IQCM: variants seen among roughly 807,000 people sequenced by gnomAD.
IQCM encodes the protein IQ motif containing M.
IQCM carries 45 observed loss-of-function variants against 57.6 expected under a neutral mutation model. The observed-to-expected ratio is 0.78, with a 90% confidence interval of 0.62 to 1.00. The LOEUF is 1.00. IQCM is among the 50% of genes least tolerant of loss of function. The pLI is 0.00. For synonymous variants in IQCM, 148 were observed against 158.9 expected (o/e 0.93, Z 0.51); for missense variants, 468 against 511.6 (o/e 0.91, Z 0.82).
intron 2 of IQCM, among the ~76,000 whole-genome samples, chr4:149,743,837 C>A (rs1767684016): frequency 6.6e-6 from 1 of 152,136 alleles, no homozygotes; most frequent in Admixed American, 6.5e-5. Context: ...ACCTCTATAT[C>A]CAAGGAGTCA....
intron 13 of IQCM, among the ~76,000 whole-genome samples, chr4:149,355,550 A>G (rs886839968): frequency 2.0e-5 from 3 of 152,054 alleles, no homozygotes; most frequent in Non-Finnish European, 4.4e-5. Flanking sequence ...AGCTTCATCC[A>G]TGTCCCTACA....
chr4:149,484,661 G>A lies in IQCM; in HGVS notation c.1229-51104C>T, dbSNP rs953198928. Among the ~76,000 whole-genome samples the A allele has an allele frequency of 2.0e-5, 3 of 151,810 alleles. No individual in the cohort carries two copies. The East Asian group carries it at 5.8e-4, about 29-fold the overall frequency. Reference sequence around the variant, plus strand: ...TTTTCTTTATGTCTTACCGTACTAAGTCTTAAAAAGTGGTTGTAGTTACTA... The same window carrying A: ...TTTTCTTTATGTCTTACCGTACTAAATCTTAAAAAGTGGTTGTAGTTACTA... On this transcript the variant is annotated intron_variant, in intron 12 of 13. Coordinates refer to ENST00000636793, the MANE Select transcript of IQCM (RefSeq NM_001363507.2).
At chr4:149,679,784 G>T (rs1162290826) in intron 7 of IQCM, among the ~76,000 whole-genome samples, 1 of 151,308 alleles carries the variant, frequency 6.6e-6, no homozygotes, top group Non-Finnish European at 1.5e-5. Flanking sequence ...CAATGATTAT[G>T]TCAGATATTC....
intron 8 of IQCM, among the ~76,000 whole-genome samples, chr4:149,616,263 G>A (rs1755781170): frequency 6.6e-6 from 1 of 152,142 alleles, no homozygotes; most frequent in African/African-American, 2.4e-5. Context: ...ATATTATTCA[G>A]CCTAAGAAAG....
intron 13 of IQCM, among the ~76,000 whole-genome samples, chr4:149,360,687 C>T (rs571725435): frequency 1.3e-5 from 2 of 152,296 alleles, no homozygotes; most frequent in East Asian, 1.9e-4. Flanking sequence ...TTTTCTCTTG[C>T]TGCCACCATG....
At chr4:149,692,950 G>A (rs572118238) in intron 5 of IQCM, among the ~76,000 whole-genome samples, 3 of 152,062 alleles carry the variant, frequency 2.0e-5, no homozygotes, top group Non-Finnish European at 4.4e-5. Flanking sequence ...TTACAATGAA[G>A]TTAAGCAAAA....
At chr4:149,749,560 A>T (rs1768239184) in intron 2 of IQCM, among the ~76,000 whole-genome samples, 1 of 151,744 alleles carries the variant, frequency 6.6e-6, no homozygotes, top group African/African-American at 2.4e-5. Flanking sequence ...GGGGGGCACA[A>T]GGAGGGCCTC....
chr4:149,699,100 C>T (rs1297748051), intron 5 of IQCM, among the ~76,000 whole-genome samples: 1 of 151,880 alleles, frequency 6.6e-6, no homozygotes, highest in Non-Finnish European at 1.5e-5. Flanking sequence ...CTATGAGTGC[C>T]ATAAGATAAA....
intron 9 of IQCM, among the ~76,000 whole-genome samples, chr4:149,579,509 T>C (rs908370520): frequency 1.3e-5 from 2 of 151,844 alleles, no homozygotes; most frequent in Non-Finnish European, 2.9e-5. Flanking sequence ...CCAGTGATGC[T>C]GACATTCTGA....
intron 9 of IQCM, among the ~76,000 whole-genome samples, chr4:149,564,640 A>G (rs1207466591): frequency 6.6e-6 from 1 of 152,136 alleles, no homozygotes; most frequent in Non-Finnish European, 1.5e-5. Flanking sequence ...GTGAAAAGAC[A>G]GACTGGCCTA....
At chr4:149,611,424 T>C (rs1755274421) in intron 8 of IQCM, among the ~76,000 whole-genome samples, 1 of 151,998 alleles carries the variant, frequency 6.6e-6, no homozygotes, top group South Asian at 2.1e-4. Flanking sequence ...CAAGATATAG[T>C]ATCAACCTAA....
chr4:149,746,772 G>A (rs566893572), intron 2 of IQCM, among the ~76,000 whole-genome samples: 1 of 152,232 alleles, frequency 6.6e-6, no homozygotes, highest in South Asian at 2.1e-4. Context: ...TTGCTTTTGT[G>A]TACTATGCTA....
At chr4:149,646,204 T>A (rs1287233512) in intron 7 of IQCM, among the ~76,000 whole-genome samples, 2 of 152,196 alleles carry the variant, frequency 1.3e-5, no homozygotes, top group African/African-American at 2.4e-5. Context: ...GCTTAATAAT[T>A]CTTTATATTA....
intron 2 of IQCM, among the ~76,000 whole-genome samples, chr4:149,743,131 A>C (rs1174226200): frequency 6.6e-6 from 1 of 152,182 alleles, no homozygotes; most frequent in African/African-American, 2.4e-5. Flanking sequence ...CCGATTTCCT[A>C]CTACTTTCTA....
chr4:149,580,904 T>G (rs530362424), intron 9 of IQCM, among the ~76,000 whole-genome samples: 1 of 151,906 alleles, frequency 6.6e-6, no homozygotes, highest in East Asian at 1.9e-4. Context: ...TTTATTTACA[T>G]ATTTATTTTA....
rs369115583 is a variant in IQCM at position 149,490,678 on chromosome 4, C to T, written c.1229-57121G>A. Among the ~76,000 whole-genome samples the T allele has an allele frequency of 3.9e-5, 6 of 152,172 alleles. 1 individual carries two copies. The South Asian group carries it at 1.2e-3, about 32-fold the overall frequency. On this transcript the variant is annotated intron_variant, in intron 12 of 13. Coordinates refer to ENST00000636793, the MANE Select transcript of IQCM (RefSeq NM_001363507.2). ...AACGCATTTTCCTCATGGTCCAACA[C>T]AAGTTTTGAGGACTCATATGTATAA...
At chr4:149,725,697 A>G (rs1765828808) in intron 5 of IQCM, among the ~76,000 whole-genome samples, 1 of 152,062 alleles carries the variant, frequency 6.6e-6, no homozygotes, top group Non-Finnish European at 1.5e-5. Flanking sequence ...AAAAGAGACT[A>G]TCATTAGAAA....
chr4:149,600,053 T>A (rs1307346402), intron 8 of IQCM, among the ~76,000 whole-genome samples: 2 of 152,192 alleles, frequency 1.3e-5, no homozygotes, highest in Non-Finnish European at 2.9e-5. Context: ...AGTTAATTTT[T>A]ACTAAACAAT....
intron 2 of IQCM, among the ~76,000 whole-genome samples, chr4:149,769,470 G>A (rs1016850119): frequency 6.6e-6 from 1 of 151,542 alleles, no homozygotes; most frequent in Non-Finnish European, 1.5e-5. Flanking sequence ...CGAAGATACA[G>A]TCCAAGTCCC....
Sources: allele counts gnomAD v4.1 joint callset (sites outside exome capture counted in the v4.1 genomes callset), GRCh38; gene constraint gnomAD v4.1.1; transcripts MANE v1.5; gene names NCBI Gene and HGNC (gene_info 2026-07-23, HGNC 2026-07-21).